NWD2: variants seen among roughly 807,000 people sequenced by gnomAD.
NWD2 encodes the protein NACHT and WD repeat domain-containing protein 2.
NWD2 carries 37 observed loss-of-function variants against 132.7 expected under a neutral mutation model. The ratio of observed to expected loss-of-function variants is 0.28; its 90% CI spans 0.21 to 0.37. The LOEUF is 0.37. Ranked by LOEUF, NWD2 falls within the 10% of genes least tolerant of loss-of-function variation. NWD2 has a pLI of 1.00. For missense variants in NWD2, 1,592 were observed against 2,122.4 expected, an observed-to-expected ratio of 0.75 and a Z score of 4.91; for synonymous variants, 705 against 803.0, an observed-to-expected ratio of 0.88 and a Z score of 2.06.
intron 2 of NWD2, among the ~76,000 whole-genome samples, chr4:37,333,554 C>A (rs1401050713): frequency 6.6e-6 from 1 of 152,156 alleles, no homozygotes; most frequent in Non-Finnish European, 1.5e-5. Context: ...TGACCAAAAA[C>A]CTAGATCACA....
At chr4:37,388,341 G>T (rs1720609016) in intron 3 of NWD2, among the ~76,000 whole-genome samples, 1 of 151,802 alleles carries the variant, frequency 6.6e-6, no homozygotes, top group Non-Finnish European at 1.5e-5. Flanking sequence ...AAGCCACCAT[G>T]CCTGGCTAAT....
At chr4:37,288,827 A>T (rs947888118) in intron 1 of NWD2, among the ~76,000 whole-genome samples, 4 of 152,100 alleles carry the variant, frequency 2.6e-5, no homozygotes, top group African/African-American at 7.2e-5. Flanking sequence ...TTGTTTTTTT[A>T]AAACCAGATC....
intron 4 of NWD2, among the ~76,000 whole-genome samples, chr4:37,433,542 C>A (rs1368081016): frequency 4.6e-5 from 7 of 152,136 alleles, no homozygotes; most frequent in African/African-American, 1.4e-4. Flanking sequence ...AGCACCTCCC[C>A]TTTAACTTTC....
chr4:37,342,519 G>T (rs962367122), intron 2 of NWD2, among the ~76,000 whole-genome samples: 1 of 152,186 alleles, frequency 6.6e-6, no homozygotes, highest in Non-Finnish European at 1.5e-5. Flanking sequence ...GCCACTGAAG[G>T]AAGCTGGTCC....
In NWD2 at chr4:37,439,109, A is replaced by C. The variant is rs771676203; in HGVS notation, c.1015A>C (p.Ile339Leu). The C allele has an allele frequency of 1.9e-6, 3 of 1,551,932 alleles. No homozygotes were observed. Among genetic ancestry groups the C allele is most frequent in the South Asian group, 2.4e-5 (2 of 84,050 alleles). ...CTCCCAAGAAATAGAAAATCATTAC[A>C]TCGAAGGACTTGGTAAACAATTTTA... ...GYSQEIENHY[I>L]EGLGKQFYED... The change falls in exon 6 of 7, where the codon ATC becomes CTC. Residue 339 changes from isoleucine to leucine, a missense_variant. Ile to Leu is a conservative substitution (Grantham distance 5). Transcript: ENST00000309447. This position sits in a 1 kb window ranked among gnomAD's most constrained non-coding sequence, Gnocchi z 4.5.
intron 1 of NWD2, among the ~76,000 whole-genome samples, chr4:37,248,428 G>A (rs894857637): frequency 1.1e-4 from 17 of 152,206 alleles, no homozygotes; most frequent in Non-Finnish European, 1.8e-4. Flanking sequence ...TGCTGGAGAA[G>A]GACCCATGTG....
At chr4:37,424,341 T>G (rs1023256234) in intron 3 of NWD2, among the ~76,000 whole-genome samples, 7 of 152,138 alleles carry the variant, frequency 4.6e-5, no homozygotes, top group Non-Finnish European at 7.4e-5. Context: ...GTTATTAAAT[T>G]TAAAGCCCCA....
chr4:37,423,577 C>T (rs746227049), intron 3 of NWD2, among the ~76,000 whole-genome samples: 9 of 152,146 alleles, frequency 5.9e-5, no homozygotes, highest in Non-Finnish European at 8.8e-5. Flanking sequence ...GCTCAACAGT[C>T]AGGCAGAGAG....
At chr4:37,368,952 C>T (rs1353378925) in intron 3 of NWD2, among the ~76,000 whole-genome samples, 2 of 152,076 alleles carry the variant, frequency 1.3e-5, no homozygotes, top group Non-Finnish European at 2.9e-5. Context: ...ATGAAAGATA[C>T]CCTGATGAGC....
chr4:37,396,482 C>T (rs969914841), intron 3 of NWD2, among the ~76,000 whole-genome samples: 3 of 152,158 alleles, frequency 2.0e-5, no homozygotes, highest in African/African-American at 7.2e-5. Context: ...TAGTTGGTTG[C>T]CGTCACTATT....
chr4:37,349,220 A>G (rs937951198), intron 2 of NWD2, among the ~76,000 whole-genome samples: 1 of 152,150 alleles, frequency 6.6e-6, no homozygotes, highest in African/African-American at 2.4e-5. Context: ...ACTGGGTCAA[A>G]TGGTATTTCT....
intron 1 of NWD2, among the ~76,000 whole-genome samples, chr4:37,262,382 A>G (rs373795489): frequency 3.3e-5 from 5 of 152,116 alleles, no homozygotes; most frequent in African/African-American, 1.2e-4. Context: ...TTTTCTCCAC[A>G]CCTTCATCAG....
intron 3 of NWD2, among the ~76,000 whole-genome samples, chr4:37,373,898 G>A (rs1367312524): frequency 1.3e-5 from 2 of 152,194 alleles, no homozygotes; most frequent in Non-Finnish European, 2.9e-5. Context: ...TTTGCCATCA[G>A]AAACAAAACA....
intron 3 of NWD2, among the ~76,000 whole-genome samples, chr4:37,396,928 G>T (rs1390550656): frequency 6.6e-6 from 1 of 152,138 alleles, no homozygotes; most frequent in Non-Finnish European, 1.5e-5. Flanking sequence ...AGCTACTCGG[G>T]AGGCTGAAGT....
In NWD2 at chr4:37,313,447, T is replaced by C. The variant is rs1179930904; in HGVS notation, c.152-12489T>C. ...ATTGGTAGTATTCTCTGATGGTAGTTTGTATTTCTGTGGGATCGGTGGTGA... is the reference window on the plus strand; with the variant it reads ...ATTGGTAGTATTCTCTGATGGTAGTCTGTATTTCTGTGGGATCGGTGGTGA... On this transcript the variant is annotated intron_variant, in intron 1 of 6. Transcript: ENST00000309447. Among the ~76,000 whole-genome samples the C allele has an allele frequency of 2.0e-5, 3 of 151,154 alleles. 1 individual carries two copies. Among genetic ancestry groups the C allele is most frequent in the African/African-American group, 7.4e-5 (3 of 40,422 alleles).
At chr4:37,338,137 A>G (rs1174244052) in intron 2 of NWD2, among the ~76,000 whole-genome samples, 2 of 152,246 alleles carry the variant, frequency 1.3e-5, no homozygotes, top group Non-Finnish European at 2.9e-5. Context: ...AGCTGTTCAC[A>G]CAATATTCCT....
chr4:37,434,032 A>G lies in NWD2; in HGVS notation c.706+12A>G, dbSNP rs927301570. 6.5e-7 allele frequency: 1 copy of G among 1,528,380 alleles called. No homozygotes were observed. Among genetic ancestry groups the G allele is most frequent in the Non-Finnish European group, 8.8e-7 (1 of 1,133,278 alleles). 94.7% of individuals were successfully genotyped at this position (1,528,380 alleles called of 1,614,324 possible). A position where few individuals can be genotyped will look rare whatever the true frequency, so the allele number is the denominator to read the frequency against. On this transcript the variant is annotated intron_variant, in intron 5 of 6. Coordinates refer to ENST00000309447, the MANE Select transcript of NWD2 (RefSeq NM_001144990.2). ...GTACCTGTTCTCAGGTAATTTTCCC[A>G]TACCTTCAGTAAAATAAGAAATATA...
chr4:37,443,714 A>T lies in NWD2; in HGVS notation c.1726A>T (p.Met576Leu). Residue 576 changes from methionine to leucine, a missense_variant, in exon 7 of 7, where the codon ATG becomes TTG. By Grantham distance (15) the Met-to-Leu change is conservative. Coordinates refer to ENST00000309447, the MANE Select transcript of NWD2 (RefSeq NM_001144990.2). The surrounding 1 kb of genome is among the most constrained non-coding windows in gnomAD (Gnocchi z 4.1). Reference protein sequence around the residue: ...YIELIPRDRKMCSQVLKHQLL... With the variant: ...YIELIPRDRKLCSQVLKHQLL... ...CGAGCTGATTCCCCGAGACAGGAAG[A>T]TGTGCAGCCAGGTCCTCAAACACCA... is the stretch of plus-strand genomic sequence containing the variant. 1 of 1,552,094 alleles carries T rather than the reference A, an allele frequency of 6.4e-7. No homozygotes were observed. Among genetic ancestry groups the T allele is most frequent in the Non-Finnish European group, 8.7e-7 (1 of 1,147,108 alleles).
chr4:37,430,145 A>C (rs1274602796), intron 3 of NWD2, among the ~76,000 whole-genome samples: 1 of 152,182 alleles, frequency 6.6e-6, no homozygotes, highest in Non-Finnish European at 1.5e-5. Flanking sequence ...AGCAGTGTGA[A>C]TCTGAAGCTT....
Sources: gnomAD v4.1 joint callset for allele counts (sites outside exome capture counted in the v4.1 genomes callset) on GRCh38, gnomAD v4.1.1 for gene constraint, Gnocchi (gnomAD v3.1) non-coding constraint, MANE v1.5 for transcripts, NCBI Gene and HGNC (gene_info 2026-07-23, HGNC 2026-07-21) for gene names.